The following STK3 variants were observed in gnomAD, a reference collection of about 807,000 sequenced individuals.
STK3 encodes serine/threonine-protein kinase 3.
In STK3, 41 loss-of-function variants were observed where a neutral mutation model predicts 58.0. The observed-to-expected ratio is 0.71, with a 90% confidence interval of 0.55 to 0.92. STK3 has a LOEUF of 0.92. Among genes scored for constraint, STK3 ranks in the 40% least tolerant of loss-of-function variants. The pLI is 0.00. For missense variants in STK3, 479 were observed against 602.7 expected (o/e 0.79, Z 2.15); for synonymous variants, 170 against 191.0 (o/e 0.89, Z 0.91).
intron 6 of STK3, among the ~76,000 whole-genome samples, chr8:98,675,394 C>A (rs988222337): frequency 1.3e-5 from 2 of 152,038 alleles, no homozygotes; most frequent in African/African-American, 4.8e-5. Flanking sequence ...GTCATGAGTT[C>A]CATAAATCTT....
At chr8:98,740,803 T>A (rs533605967) in intron 4 of STK3, among the ~76,000 whole-genome samples, 1 of 152,052 alleles carries the variant, frequency 6.6e-6, no homozygotes, top group African/African-American at 2.4e-5. Context: ...GACTGGCAAA[T>A]TGGATAAAGA....
intron 10 of STK3, among the ~76,000 whole-genome samples, chr8:98,497,454 T>C (rs987629570): frequency 6.6e-6 from 1 of 152,050 alleles, no homozygotes; most frequent in South Asian, 2.1e-4. Flanking sequence ...AACTGGACTT[T>C]ATCAAAATTT....
intron 1 of STK3, chr8:98,437,428 C>T (rs1818531589): frequency 6.6e-6 from 1 of 152,324 alleles, no homozygotes; most frequent in Non-Finnish European, 1.5e-5. Context: ...TCCATCTGCC[C>T]AGCAGTCCCT....
chr8:98,721,805 T>C (rs1399364977), intron 4 of STK3, among the ~76,000 whole-genome samples: 3 of 152,120 alleles, frequency 2.0e-5, no homozygotes, highest in African/African-American at 7.2e-5. Context: ...ACAGCACATA[T>C]ATAACCAGAA....
At chr8:98,675,799 G>C (rs187235645) in intron 6 of STK3, among the ~76,000 whole-genome samples, 1 of 152,066 alleles carries the variant, frequency 6.6e-6, no homozygotes, top group East Asian at 1.9e-4. Flanking sequence ...GGGAGGCGGA[G>C]CTTGCAGTGA....
chr8:98,593,136 C>T (rs1049544117), intron 7 of STK3, among the ~76,000 whole-genome samples: 1 of 152,134 alleles, frequency 6.6e-6, no homozygotes, highest in Non-Finnish European at 1.5e-5. Flanking sequence ...AACTCCGGTG[C>T]TAATAGACTG....
intron 6 of STK3, among the ~76,000 whole-genome samples, chr8:98,655,497 A>C (rs1821412155): frequency 6.6e-6 from 1 of 152,146 alleles, no homozygotes; most frequent in Admixed American, 6.5e-5. Context: ...GATCTAATTA[A>C]ACTAAAGAGC....
At chr8:98,612,287 T>A (rs1030269228) in intron 6 of STK3, among the ~76,000 whole-genome samples, 2 of 150,528 alleles carry the variant, frequency 1.3e-5, no homozygotes, top group Non-Finnish European at 3.0e-5. Context: ...CTGGGCACAG[T>A]GGCTCATGCC....
At chr8:98,631,312 C>T (rs1291526121) in intron 6 of STK3, among the ~76,000 whole-genome samples, 4 of 152,180 alleles carry the variant, frequency 2.6e-5, no homozygotes, top group Non-Finnish European at 4.4e-5. Flanking sequence ...AAGGTCCTGC[C>T]GTGGTTTATG....
intron 7 of STK3, among the ~76,000 whole-genome samples, chr8:98,594,421 G>A (rs867200493): frequency 1.4e-4 from 22 of 151,954 alleles, no homozygotes; most frequent in Middle Eastern, 3.4e-3. Context: ...TCAACATGGC[G>A]AAACTCTGTC....
At chr8:98,823,770 C>G (rs1437882885) in intron 1 of STK3, among the ~76,000 whole-genome samples, 1 of 152,000 alleles carries the variant, frequency 6.6e-6, no homozygotes, top group Non-Finnish European at 1.5e-5. Flanking sequence ...CATTTAATCC[C>G]CACAATACAT....
intron 6 of STK3, among the ~76,000 whole-genome samples, chr8:98,675,938 C>G (rs142119727): frequency 1.3e-5 from 2 of 151,994 alleles, no homozygotes; most frequent in Non-Finnish European, 2.9e-5. Flanking sequence ...TCACAAGAGC[C>G]AAAAGGTGGA....
chr8:98,375,132 G>A (rs1279225740), intron 2 of STK3, among the ~76,000 whole-genome samples: 1 of 151,896 alleles, frequency 6.6e-6, no homozygotes, highest in Non-Finnish European at 1.5e-5. Context: ...GCTCATGCCT[G>A]TAGTCCCTGC....
chr8:98,837,565 C>T (rs935462021), intron 3 of STK3, among the ~76,000 whole-genome samples: 1 of 152,126 alleles, frequency 6.6e-6, no homozygotes, highest in African/African-American at 2.4e-5. Context: ...GAGAAAAGAA[C>T]CAACACTAAG....
rs572278354 is a variant in STK3 at position 98,916,757 on chromosome 8, C to T, written c.-79+25621G>A. 3.9e-5 allele frequency among the ~76,000 whole-genome samples: 6 copies of T among 152,278 alleles called. No individual in the cohort carries two copies. The South Asian group carries it at 1.0e-3, about 26-fold the overall frequency. On this transcript the variant is annotated intron_variant, in intron 1 of 1. Coordinates refer to the STK3 transcript ENST00000519420. ...AAATCATCAGACTAAGATGTCTGCC[C>T]CTCGTGCAGCTTCCTAAGTAATTGT...
intron 7 of STK3, among the ~76,000 whole-genome samples, chr8:98,582,089 C>CT (rs1563763346): frequency 6.6e-6 from 1 of 152,070 alleles, no homozygotes; most frequent in African/African-American, 2.4e-5. Context: ...AAAGAATAAA[C>CT]TTTTCAAGCA....
At chr8:98,559,548 A>G (rs1586860129) in intron 8 of STK3, among the ~76,000 whole-genome samples, 2 of 152,198 alleles carry the variant, frequency 1.3e-5, no homozygotes, top group Admixed American at 1.3e-4. Context: ...GAGCAATCCA[A>G]TCTATGCTCA....
chr8:98,363,813 G>A, the STK3 span, among the ~76,000 whole-genome samples: 2 of 152,172 alleles, frequency 1.3e-5, no homozygotes, highest in Non-Finnish European at 2.9e-5. Flanking sequence ...ATGTCACCGC[G>A]GAGATTTCAC....
chr8:98,833,499 T>C (rs952624453), intron 3 of STK3, among the ~76,000 whole-genome samples: 6 of 152,196 alleles, frequency 3.9e-5, no homozygotes, highest in Admixed American at 3.3e-4. Flanking sequence ...CTAGAGAAAG[T>C]AAATTTTTCC....
Sources: allele counts gnomAD v4.1 joint callset (sites outside exome capture counted in the v4.1 genomes callset), GRCh38; gene constraint gnomAD v4.1.1; transcripts MANE v1.5; gene names NCBI Gene and HGNC (gene_info 2026-07-23, HGNC 2026-07-21).